The following RBFOX1 variants were observed in gnomAD, a reference collection of about 807,000 sequenced individuals.
RBFOX1 encodes RNA binding protein fox-1 homolog 1.
In RBFOX1, 8 loss-of-function variants were observed where a neutral mutation model predicts 57.7. The ratio of observed to expected loss-of-function variants is 0.14; its 90% CI spans 0.08 to 0.25. The LOEUF is 0.25. Ranked by LOEUF, RBFOX1 falls within the 10% of genes least tolerant of loss-of-function variation. The pLI, the probability that RBFOX1 is intolerant of heterozygous loss-of-function variation, is 1.00. For missense variants in RBFOX1, 611 were observed against 548.5 expected (o/e 1.11, Z -1.14); for synonymous variants, 326 against 222.4 (o/e 1.47, Z -4.15).
At chr16:5,761,937 G>C (rs2053610217) in intron 3 of RBFOX1, among the ~76,000 whole-genome samples, 1 of 152,108 alleles carries the variant, frequency 6.6e-6, no homozygotes, top group Admixed American at 6.5e-5. Flanking sequence ...CCTCCCAGGA[G>C]GCAGGGATGG....
intron 3 of RBFOX1, among the ~76,000 whole-genome samples, chr16:6,731,798 C>G (rs1467057251): frequency 6.6e-6 from 1 of 152,164 alleles, no homozygotes. Context: ...CCCTTCCCCA[C>G]TGCTGTTTCC....
chr16:6,862,149 T>A (rs902922179), intron 3 of RBFOX1, among the ~76,000 whole-genome samples: 1 of 152,172 alleles, frequency 6.6e-6, no homozygotes, highest in Non-Finnish European at 1.5e-5. Flanking sequence ...AAAGAGTTTT[T>A]CATTTAGATT....
intron 4 of RBFOX1, among the ~76,000 whole-genome samples, chr16:7,251,651 C>T (rs1026628187): frequency 3.3e-5 from 5 of 152,080 alleles, no homozygotes; most frequent in African/African-American, 9.7e-5. Flanking sequence ...AACTCCTGAC[C>T]TCAAGTGATC....
At chr16:7,617,190 G>C (rs1235388898) in intron 10 of RBFOX1, among the ~76,000 whole-genome samples, 4 of 152,102 alleles carry the variant, frequency 2.6e-5, no homozygotes, top group African/African-American at 9.7e-5. Flanking sequence ...TATCACTGTA[G>C]GCACAGATAG....
At chr16:5,687,577 C>T (rs377681089) in intron 3 of RBFOX1, among the ~76,000 whole-genome samples, 20 of 152,282 alleles carry the variant, frequency 1.3e-4, no homozygotes, top group African/African-American at 4.3e-4. Context: ...AAGTTTCAGA[C>T]TAAGTCTTTG....
chr16:7,466,798 T>A (rs1193890137), intron 4 of RBFOX1, among the ~76,000 whole-genome samples: 1 of 152,194 alleles, frequency 6.6e-6, no homozygotes, highest in African/African-American at 2.4e-5. Flanking sequence ...CTGCTCTGAT[T>A]ATATACACAA....
chr16:7,391,820 A>C (rs1597276207), intron 4 of RBFOX1, among the ~76,000 whole-genome samples: 1 of 147,616 alleles, frequency 6.8e-6, no homozygotes, highest in East Asian at 1.9e-4. Context: ...GGAGAAATGA[A>C]TGAATGAATG....
intron 3 of RBFOX1, among the ~76,000 whole-genome samples, chr16:6,900,478 T>G (rs2068189768): frequency 6.6e-6 from 1 of 152,214 alleles, no homozygotes; most frequent in African/African-American, 2.4e-5. Flanking sequence ...GCTCTTAGGA[T>G]GAAAGCAAAC....
chr16:7,455,695 G>A lies in RBFOX1; in HGVS notation c.28-62452G>A, dbSNP rs905447543. Among the ~76,000 whole-genome samples the A allele has an allele frequency of 6.8e-5, 10 of 147,840 alleles. No individual in the cohort carries two copies. The East Asian group carries it at 2.0e-3, about 30-fold the overall frequency. On this transcript the variant is annotated intron_variant, in intron 4 of 15. Transcript: ENST00000550418. Reference sequence around the variant, plus strand: ...CCAGCTACTCAGGAGGCTGAGGTGGGAGAATTGCTTGACCTCAGGAGGTAG... The same window carrying A: ...CCAGCTACTCAGGAGGCTGAGGTGGAAGAATTGCTTGACCTCAGGAGGTAG...
intron 4 of RBFOX1, among the ~76,000 whole-genome samples, chr16:7,147,599 T>G (rs2075286597): frequency 6.6e-6 from 1 of 152,212 alleles, no homozygotes; most frequent in Non-Finnish European, 1.5e-5. Context: ...ATTAATTCAC[T>G]TAGATTAATG....
chr16:6,914,405 A>G (rs1401708585), intron 3 of RBFOX1, among the ~76,000 whole-genome samples: 1 of 152,172 alleles, frequency 6.6e-6, no homozygotes, highest in Admixed American at 6.5e-5. Context: ...ACAAGTTAAA[A>G]GAGGAAGAGA....
At chr16:6,974,853 C>G (rs553993721) in intron 3 of RBFOX1, among the ~76,000 whole-genome samples, 2 of 152,106 alleles carry the variant, frequency 1.3e-5, no homozygotes, top group Non-Finnish European at 2.9e-5. Context: ...TACTCGCATT[C>G]AGTGCTCCCT....
chr16:6,916,645 A>T (rs965132252), intron 3 of RBFOX1, among the ~76,000 whole-genome samples: 3 of 151,960 alleles, frequency 2.0e-5, no homozygotes, highest in Non-Finnish European at 4.4e-5. Flanking sequence ...GTTTTTCTGG[A>T]TGGTCATCAC....
intron 3 of RBFOX1, among the ~76,000 whole-genome samples, chr16:5,626,126 C>T (rs553921241): frequency 2.0e-5 from 3 of 151,778 alleles, no homozygotes; most frequent in East Asian, 1.9e-4. Context: ...GTGATCTGCC[C>T]GCCTCGGCCT....
At chr16:5,693,245 G>C (rs913119821) in intron 3 of RBFOX1, among the ~76,000 whole-genome samples, 9 of 152,020 alleles carry the variant, frequency 5.9e-5, no homozygotes, top group African/African-American at 2.2e-4. Context: ...TTCATAAGTA[G>C]GAGATGAAAA....
rs538901633 is a variant in RBFOX1, at chr16:5,948,938, A to G, written c.351+81603A>G. ...ACATTACACAACAACAGATGTTTCA[A>G]TGATTTCGTATTATTTTACCTGTTT... On this transcript the variant is annotated intron_variant, in intron 4 of 19. Coordinates refer to the RBFOX1 transcript ENST00000641259. Among the ~76,000 whole-genome samples, 64 of 152,238 alleles carry G rather than the reference A, an allele frequency of 4.2e-4. 1 individual carries two copies. The highest frequency in any genetic ancestry group is 3.0e-3 in the Admixed American group (46 of 15,288).
chr16:5,937,880 T>A (rs1201525120), intron 4 of RBFOX1, among the ~76,000 whole-genome samples: 1 of 151,634 alleles, frequency 6.6e-6, no homozygotes, highest in East Asian at 1.9e-4. Context: ...TACATAGATA[T>A]ATATTGCAAA....
intron 2 of RBFOX1, among the ~76,000 whole-genome samples, chr16:5,500,556 C>G (rs906451754): frequency 1.3e-5 from 2 of 152,130 alleles, no homozygotes; most frequent in Middle Eastern, 3.2e-3. Flanking sequence ...TATGCAGCTG[C>G]TAAACTTACT....
intron 1 of RBFOX1, among the ~76,000 whole-genome samples, chr16:5,409,090 C>T (rs561850970): frequency 4.6e-5 from 7 of 152,250 alleles, no homozygotes; most frequent in African/African-American, 1.7e-4. Context: ...GTAGGGTGGG[C>T]ATAATTTCTG....
Sources: allele counts gnomAD v4.1 joint callset (sites outside exome capture counted in the v4.1 genomes callset), GRCh38; gene constraint gnomAD v4.1.1; transcripts MANE v1.5; gene names NCBI Gene and HGNC (gene_info 2026-07-23, HGNC 2026-07-21).